The following TBC1D22A variants were observed in gnomAD, a reference collection of about 807,000 sequenced individuals.
TBC1D22A encodes the protein TBC1 domain family member 22A.
Under a neutral mutation model 60.2 loss-of-function variants are expected in TBC1D22A, and 38 were observed. The ratio of observed to expected loss-of-function variants is 0.63; its 90% CI spans 0.49 to 0.83. The LOEUF (loss-of-function observed/expected upper bound fraction) is 0.83. TBC1D22A is among the 40% of genes least tolerant of loss of function. The probability of loss-of-function intolerance (pLI) is 0.00; values close to 1 mark genes in which losing one functional copy is unlikely to be tolerated. For missense variants in TBC1D22A, 628 were observed against 701.0 expected (o/e 0.90, Z 1.18); for synonymous variants, 302 against 281.7 (o/e 1.07, Z -0.72).
intron 7 of TBC1D22A, among the ~76,000 whole-genome samples, chr22:46,896,131 T>C (rs140031513): frequency 6.6e-6 from 1 of 152,328 alleles, no homozygotes; most frequent in East Asian, 1.9e-4. Flanking sequence ...AAGCATCTCT[T>C]TGTATATTTA....
chr22:47,038,363 G>A (rs939011257), intron 11 of TBC1D22A, among the ~76,000 whole-genome samples: 2 of 152,168 alleles, frequency 1.3e-5, no homozygotes, highest in African/African-American at 4.8e-5. Flanking sequence ...AGCTCTTGGC[G>A]GGAGGCTTTT....
chr22:46,917,953 A>G (rs553841033), intron 8 of TBC1D22A, among the ~76,000 whole-genome samples: 43 of 152,230 alleles, frequency 2.8e-4, no homozygotes, highest in East Asian at 2.3e-3. Context: ...GAAGGATGCA[A>G]TGCAGCTCTG....
At chr22:46,992,992 G>T (rs1054436378) in intron 9 of TBC1D22A, among the ~76,000 whole-genome samples, 1 of 152,182 alleles carries the variant, frequency 6.6e-6, no homozygotes, top group South Asian at 2.1e-4. Context: ...ACTATGTTAC[G>T]GTGAAATTAG....
rs1384581367 is a variant in TBC1D22A, at chr22:47,137,623, C to T, written c.1425+26020C>T. 3.9e-5 allele frequency among the ~76,000 whole-genome samples: 6 copies of T among 152,242 alleles called. No individual in the cohort carries two copies. In the East Asian group the frequency reaches 1.2e-3, roughly 29 times the overall value. ...CCCCTAGCAGCCTCTCCACCACTGT[C>T]CCTGCAGGCCTGCCTAGCCAGCTTC... On this transcript the variant is annotated intron_variant, in intron 12 of 12. Coordinates refer to ENST00000337137, the MANE Select transcript of TBC1D22A (RefSeq NM_014346.5).
intron 4 of TBC1D22A, among the ~76,000 whole-genome samples, chr22:46,821,324 A>T (rs898044513): frequency 3.9e-5 from 6 of 152,132 alleles, no homozygotes; most frequent in Non-Finnish European, 7.3e-5. Context: ...CAGTTGCTTC[A>T]TAGTGTCATT....
intron 8 of TBC1D22A, among the ~76,000 whole-genome samples, chr22:46,934,053 T>C (rs1234806237): frequency 3.3e-5 from 5 of 152,248 alleles, no homozygotes; most frequent in Non-Finnish European, 7.3e-5. Context: ...TTTCTTGCCA[T>C]CTTTATCTTC....
chr22:47,029,945 TG>T (rs1259665611), intron 10 of TBC1D22A, among the ~76,000 whole-genome samples: 2 of 152,224 alleles, frequency 1.3e-5, no homozygotes, highest in Non-Finnish European at 2.9e-5. Flanking sequence ...CCATTGGCAG[TG>T]AGCGGTTCTT....
intron 10 of TBC1D22A, among the ~76,000 whole-genome samples, chr22:47,007,093 G>A (rs1023818978): frequency 6.6e-6 from 1 of 152,124 alleles, no homozygotes; most frequent in African/African-American, 2.4e-5. Flanking sequence ...CCTTCTTCAG[G>A]CCAGAGACAA....
At chr22:46,955,276 A>G (rs1443200844) in intron 8 of TBC1D22A, among the ~76,000 whole-genome samples, 1 of 152,258 alleles carries the variant, frequency 6.6e-6, no homozygotes, top group Admixed American at 6.5e-5. Flanking sequence ...ACATATTGAT[A>G]TATTTGATTA....
At chr22:46,912,416 T>C (rs1299018093) in intron 8 of TBC1D22A, among the ~76,000 whole-genome samples, 1 of 152,246 alleles carries the variant, frequency 6.6e-6, no homozygotes, top group Non-Finnish European at 1.5e-5. Context: ...AATATCTTCT[T>C]TTTAACAATA....
At chr22:46,964,560 A>T (rs778354355) in intron 8 of TBC1D22A, among the ~76,000 whole-genome samples, 5 of 152,026 alleles carry the variant, frequency 3.3e-5, no homozygotes, top group Non-Finnish European at 7.4e-5. Flanking sequence ...GAAAGGAAGC[A>T]GTCTTAGTTT....
At chr22:46,887,712 A>G (rs78460819) in intron 5 of TBC1D22A, among the ~76,000 whole-genome samples, 1 of 152,204 alleles carries the variant, frequency 6.6e-6, no homozygotes, top group Non-Finnish European at 1.5e-5. Context: ...GCCTGCTAAG[A>G]CGGTGATGGT....
intron 8 of TBC1D22A, among the ~76,000 whole-genome samples, chr22:46,922,959 A>G (rs895283653): frequency 1.3e-5 from 2 of 152,098 alleles, no homozygotes; most frequent in African/African-American, 4.8e-5. Context: ...CCAGTACTCT[A>G]TTGAATAGGA....
chr22:47,052,397 G>A (rs905380848), intron 11 of TBC1D22A, among the ~76,000 whole-genome samples: 2 of 152,188 alleles, frequency 1.3e-5, no homozygotes, highest in African/African-American at 4.8e-5. Context: ...TGCCTGGGAG[G>A]GACCCTCAAG....
intron 8 of TBC1D22A, among the ~76,000 whole-genome samples, chr22:46,929,713 T>TGTGC (rs1218601498): frequency 6.6e-6 from 1 of 151,860 alleles, no homozygotes; most frequent in East Asian, 1.9e-4. Context: ...TGTGTGTGTG[T>TGTGC]GTGCGTGTGC....
At chr22:46,768,755 A>T (rs1386968009) in intron 1 of TBC1D22A, among the ~76,000 whole-genome samples, 1 of 152,046 alleles carries the variant, frequency 6.6e-6, no homozygotes, top group Non-Finnish European at 1.5e-5. Flanking sequence ...CTGCTGACAG[A>T]GGGTATGCAG....
chr22:46,896,297 G>A (rs955340162), intron 7 of TBC1D22A, among the ~76,000 whole-genome samples: 1 of 152,046 alleles, frequency 6.6e-6, no homozygotes, highest in East Asian at 1.9e-4. Flanking sequence ...AAGATCTTCT[G>A]CCCTCTGCAG....
At chr22:46,901,996 A>G (rs1344210474) in intron 7 of TBC1D22A, among the ~76,000 whole-genome samples, 1 of 152,212 alleles carries the variant, frequency 6.6e-6, no homozygotes, top group Non-Finnish European at 1.5e-5. Context: ...GTTCCTTTTT[A>G]GTTATGCAAA....
intron 12 of TBC1D22A, among the ~76,000 whole-genome samples, chr22:47,152,007 A>C (rs2067523062): frequency 6.6e-6 from 1 of 151,846 alleles, no homozygotes. Context: ...TCTGGGCCTT[A>C]CTCTGCTGGT....
Sources: allele counts gnomAD v4.1 joint callset (sites outside exome capture counted in the v4.1 genomes callset), GRCh38; gene constraint gnomAD v4.1.1; transcripts MANE v1.5; gene names NCBI Gene and HGNC (gene_info 2026-07-23, HGNC 2026-07-21).